The following ALDH1L1 variants were observed in gnomAD, a reference collection of about 807,000 sequenced individuals.
ALDH1L1 encodes aldehyde dehydrogenase 1 family member L1.
In ALDH1L1, 68 loss-of-function variants were observed where a neutral mutation model predicts 101.1. The observed-to-expected ratio is 0.67, with a 90% CI of 0.55 to 0.82. ALDH1L1 has a LOEUF of 0.82. Ranked by LOEUF, ALDH1L1 falls within the 40% of genes least tolerant of loss-of-function variation. The pLI is 0.00. For synonymous variants in ALDH1L1, 486 were observed against 470.8 expected (o/e 1.03, Z -0.42); for missense variants, 1,087 against 1,172.7 (o/e 0.93, Z 1.07).
In ALDH1L1 at chr3:126,117,936, G is replaced by A. The variant is rs13342933; in HGVS notation, c.1982+69C>T. Reference sequence around the variant, plus strand: ...CCTGGGAAGCAGGACACAGCTCCTGGGACAGCACTGCCATGTCCCAGGCGC... The same window carrying A: ...CCTGGGAAGCAGGACACAGCTCCTGAGACAGCACTGCCATGTCCCAGGCGC... On this transcript the variant is annotated intron_variant, in intron 17 of 22. Coordinates refer to ENST00000393434, the MANE Select transcript of ALDH1L1 (RefSeq NM_012190.4). The A allele has an allele frequency of 5.3e-4, 760 of 1,432,188 alleles. 5 individuals carry two copies. In the African/African-American group the frequency reaches 9.2e-3, roughly 17 times the overall value. The allele number at this position is 1,432,188 out of a possible 1,614,324, so 88.7% of individuals were successfully genotyped here. A position where few individuals can be genotyped will look rare whatever the true frequency, so the allele number is the denominator to read the frequency against.
At chr3:126,196,715 G>C (rs2081583720) in intron 1 of ALDH1L1, among the ~76,000 whole-genome samples, 2 of 152,188 alleles carry the variant, frequency 1.3e-5, no homozygotes, top group African/African-American at 4.8e-5. Flanking sequence ...GTAGCTCAGA[G>C]AAAGGAAGAT....
At chr3:126,143,209 C>A (rs531316341) in intron 9 of ALDH1L1, among the ~76,000 whole-genome samples, 13 of 152,136 alleles carry the variant, frequency 8.5e-5, no homozygotes, top group Non-Finnish European at 1.6e-4. Context: ...CTACTGAATT[C>A]GTATCATGTT....
intron 1 of ALDH1L1, among the ~76,000 whole-genome samples, chr3:126,194,774 C>T (rs6796655): frequency 0.015 from 2,275 of 152,132 alleles, 58 homozygotes; most frequent in African/African-American, 0.05. Flanking sequence ...ATTTCCATCC[C>T]TTCTTATAAT....
chr3:126,117,825 T>A (rs1269344468), intron 17 of ALDH1L1, among the ~76,000 whole-genome samples, 180 bp downstream of exon 17: 2 of 152,136 alleles, frequency 1.3e-5, no homozygotes, highest in African/African-American at 4.8e-5. Context: ...CGCCCAGGCC[T>A]CCCCGGGGCT....
chr3:126,137,741 G>T (rs756601939), intron 10 of ALDH1L1, 72 bp downstream of exon 10: 2 of 1,546,180 alleles, frequency 1.3e-6, no homozygotes, highest in South Asian at 1.3e-5. Context: ...TTCCCCTCTT[G>T]TCTTATGTAG....
chr3:126,111,174 T>C (rs1002640966), intron 19 of ALDH1L1, among the ~76,000 whole-genome samples: 1 of 152,202 alleles, frequency 6.6e-6, no homozygotes, highest in Non-Finnish European at 1.5e-5. Flanking sequence ...CTATGGAAGA[T>C]GAGCTTGTGC....
At position 126,125,553 on chromosome 3, in the gene ALDH1L1, T is replaced by C. The variant is rs146408256; in HGVS notation, c.1800+63A>G. ...GAGAGGCCCTTCCCTTCCTCCCTTA[T>C]AGAGTGAGTTCCTGATCCTCTCTGT... On this transcript the variant is annotated intron_variant, in intron 15 of 22. Transcript: ENST00000393434. 5,919 of 1,316,068 alleles carry C rather than the reference T, an allele frequency of 4.5e-3. 23 individuals carry two copies. The highest frequency in any genetic ancestry group is 5.5e-3 in the Admixed American group (213 of 38,858). 81.5% of individuals were successfully genotyped at this position (1,316,068 alleles called of 1,614,324 possible).
At chr3:126,112,974 A>G (rs1434850069) in intron 18 of ALDH1L1, 94 bp from the exon 19 acceptor site, 5 of 1,112,866 alleles carry the variant, frequency 4.5e-6, no homozygotes, top group Admixed American at 1.9e-5. Flanking sequence ...CTAATTAGGA[A>G]AGGAGGCACC....
chr3:126,127,151 C>T (rs2080203789), intron 14 of ALDH1L1, among the ~76,000 whole-genome samples: 1 of 152,196 alleles, frequency 6.6e-6, no homozygotes, highest in South Asian at 2.1e-4. Context: ...TCTACAGCAG[C>T]CCGAACTGAC....
chr3:126,105,766 G>C lies in ALDH1L1; in HGVS notation c.2613C>G (p.Pro871=), dbSNP rs778185806. 6.2e-7 allele frequency: 1 copy of C among 1,614,120 alleles called. No individual in the cohort carries two copies. The highest frequency in any genetic ancestry group is 8.5e-7 in the Non-Finnish European group (1 of 1,180,056). Residue 871 remains proline, a synonymous_variant, in exon 22 of 23, where the codon CCC becomes CCG. Coordinates refer to ENST00000393434, the MANE Select transcript of ALDH1L1 (RefSeq NM_012190.4). Reference sequence around the variant, plus strand: ...ATCCAGACTGTTTGAATCCTCCGAAGGGAGCGGCCACGTCGGTCTTGTTGT... The same window carrying C: ...ATCCAGACTGTTTGAATCCTCCGAACGGAGCGGCCACGTCGGTCTTGTTGT... The part of the protein sequence containing the change: ...NTYNKTDVAA[P]FGGFKQSGFG...
At chr3:126,158,336 A>G in intron 3 of ALDH1L1, 69 bp downstream of exon 3, 2 of 1,405,408 alleles carry the variant, frequency 1.4e-6, no homozygotes, top group Non-Finnish European at 9.7e-7. Context: ...GGGCTAATGG[A>G]AAGTGACAAG....
In ALDH1L1 at chr3:126,158,637, G is replaced by C. The variant is rs771153658; in HGVS notation, c.130C>G (p.Leu44Val). 30 of 1,608,378 alleles carry C rather than the reference G, an allele frequency of 1.9e-5. No homozygotes were observed. The highest frequency in any genetic ancestry group is 2.4e-5 in the Non-Finnish European group (28 of 1,175,302). Residue 44 changes from leucine (L) to valine (V), a missense_variant and splice_region_variant, in exon 3 of 23, where the codon CTG (leucine) becomes GTG (valine). Physicochemically the swap from Leu to Val is conservative, Grantham distance 32. Transcript: ENST00000393434. ...DKDGKADPLGLEAEKDGVPVF... is the reference protein window; with the variant it reads ...DKDGKADPLGVEAEKDGVPVF... ...GGCACTCCATCCTTCTCAGCTTCCA[G>C]ACCTGTGGGACGGTGGATAAGAAAC...
intron 20 of ALDH1L1, among the ~76,000 whole-genome samples, chr3:126,109,454 G>C (rs893947041): frequency 6.6e-6 from 1 of 152,132 alleles, no homozygotes; most frequent in Non-Finnish European, 1.5e-5. Context: ...AGGAGCTCTG[G>C]GTGGGGTGGA....
intron 21 of ALDH1L1, 89 bp from the exon 22 acceptor site, chr3:126,106,014 C>T: frequency 7.7e-7 from 1 of 1,297,064 alleles, no homozygotes; most frequent in Non-Finnish European, 1.1e-6. Flanking sequence ...CACACCCCAG[C>T]TGCATAAGAC....
At chr3:126,156,349 T>C (rs1418752420) in intron 4 of ALDH1L1, 1 of 152,248 alleles carries the variant, frequency 6.6e-6, no homozygotes, top group African/African-American at 2.4e-5. Context: ...ACTATTTTTG[T>C]GAGCTGGTCA....
chr3:126,120,969 C>A (rs2080068410), intron 16 of ALDH1L1, among the ~76,000 whole-genome samples: 2 of 152,132 alleles, frequency 1.3e-5, no homozygotes, highest in Non-Finnish European at 2.9e-5. Flanking sequence ...CCATCCTAAC[C>A]CCCAGTACCT....
chr3:126,113,845 C>T (rs1559918428), intron 18 of ALDH1L1, among the ~76,000 whole-genome samples: 2 of 152,236 alleles, frequency 1.3e-5, no homozygotes. Flanking sequence ...AGGACTGACA[C>T]ATGTCTCAAG....
chr3:126,128,213 C>T (rs2365005), intron 14 of ALDH1L1, among the ~76,000 whole-genome samples: 96,660 of 151,972 alleles, frequency 0.64, 30,846 homozygotes, highest in Middle Eastern at 0.72. Context: ...AATTTCCTAA[C>T]ACAAACATCC....
chr3:126,106,888 C>G (rs1945893116), intron 21 of ALDH1L1, among the ~76,000 whole-genome samples: 1 of 152,228 alleles, frequency 6.6e-6, no homozygotes, highest in African/African-American at 2.4e-5. Flanking sequence ...CATGCTGGAG[C>G]ATGTGACAAG....
Sources: allele counts gnomAD v4.1 joint callset (sites outside exome capture counted in the v4.1 genomes callset), GRCh38; gene constraint gnomAD v4.1.1; transcripts MANE v1.5; gene names NCBI Gene and HGNC (gene_info 2026-07-23, HGNC 2026-07-21).